Variants in RUFY2 observed in about 807,000 individuals in gnomAD.
RUFY2 encodes the protein RUN and FYVE domain containing 2, also known as RUN and FYVE domain-containing protein 2.
A neutral mutation model predicts 94.4 loss-of-function variants in RUFY2; 49 were observed. The ratio of observed to expected loss-of-function variants is 0.52; its 90% CI spans 0.41 to 0.66. RUFY2 has a LOEUF of 0.66. Ranked by LOEUF, RUFY2 falls within the 30% of genes least tolerant of loss-of-function variation. The probability of loss-of-function intolerance (pLI) is 0.00; values close to 1 mark genes in which losing one functional copy is unlikely to be tolerated. For missense variants in RUFY2, 541 were observed against 692.8 expected (o/e 0.78, Z 2.46); for synonymous variants, 255 against 235.7 (o/e 1.08, Z -0.75).
intron 1 of RUFY2, 112 bp from the exon 2 acceptor site, chr10:68,404,956 G>T: frequency 2.5e-6 from 2 of 815,436 alleles, no homozygotes; most frequent in South Asian, 2.3e-5. Flanking sequence ...TTCCTTGGTT[G>T]ACAAATTCTC....
chr10:68,371,602 A>G (rs556733881), intron 13 of RUFY2, among the ~76,000 whole-genome samples: 69 of 152,080 alleles, frequency 4.5e-4, no homozygotes, highest in South Asian at 3.7e-3. Context: ...AAAAAAAAAA[A>G]AGACCCAACA....
chr10:68,377,983 T>G, intron 12 of RUFY2: 3 of 985,322 alleles, frequency 3.0e-6, no homozygotes, highest in Non-Finnish European at 3.6e-6. Context: ...AATATTCAGG[T>G]GCTGGGATTG....
intron 13 of RUFY2, among the ~76,000 whole-genome samples, chr10:68,365,481 G>T (rs1342816847): frequency 6.6e-6 from 1 of 152,128 alleles, no homozygotes; most frequent in African/African-American, 2.4e-5. Flanking sequence ...TGCATCCTGT[G>T]ACGGAATGGT....
chr10:68,398,001 T>A (rs1160649480), intron 3 of RUFY2, among the ~76,000 whole-genome samples: 1 of 149,796 alleles, frequency 6.7e-6, no homozygotes. Context: ...GTGGTGGGTG[T>A]CTGTAATCCC....
chr10:68,378,703 G>C (rs1250249969), intron 12 of RUFY2: 5 of 1,540,072 alleles, frequency 3.2e-6, no homozygotes, highest in Non-Finnish European at 3.5e-6. Flanking sequence ...ATCAAAGACA[G>C]AAAAAGGTAA....
chr10:68,402,631 AAAATCAAGATGCACTCCTGATTTTTTCTG>A (rs912595486), intron 2 of RUFY2, among the ~76,000 whole-genome samples: 3 of 151,026 alleles, frequency 2.0e-5, no homozygotes, highest in Non-Finnish European at 4.4e-5. Context: ...AGTCTTGGGG[AAAATCAAGATGCACTCCTGATTTTTTCTG>A]AAATCAAGAT....
chr10:68,341,965 T>A (rs973638890), downstream of RUFY2: 1 of 1,613,230 alleles, frequency 6.2e-7, no homozygotes, highest in Non-Finnish European at 8.5e-7. Flanking sequence ...ATTCTTAATA[T>A]CTTTTTCTTA....
chr10:68,345,763 GAGTCTCAGGGCAAGTTAGATGAGC>G lies in RUFY2; in HGVS notation c.1802_*4del. The G allele has an allele frequency of 6.2e-7, 1 of 1,609,006 alleles. No homozygotes were observed. Among genetic ancestry groups the G allele is most frequent in the Non-Finnish European group, 8.5e-7 (1 of 1,177,006 alleles). ...TTTCATACATAAGGATTTAGTTCTGGAGTCTCAGGGCAAGTTAGATGAGCATCTCTGAATGAGCAGTGCATGACA... is the reference window on the plus strand; with the variant it reads ...TTTCATACATAAGGATTTAGTTCTGGATCTCTGAATGAGCAGTGCATGACA... On this transcript the variant is annotated stop_lost and 3_prime_UTR_variant, in exon 18 of 18. Transcript: ENST00000602465.
intron 12 of RUFY2, chr10:68,377,262 T>G: frequency 8.1e-7 from 1 of 1,227,578 alleles, no homozygotes; most frequent in Non-Finnish European, 1.0e-6. Flanking sequence ...CTTTACCACT[T>G]ATGCAGAGCA....
chr10:68,344,521 A>AT lies in RUFY2; in HGVS notation c.*1246dup, dbSNP rs1351979993. On this transcript the variant is annotated 3_prime_UTR_variant, in exon 18 of 18. Transcript: ENST00000602465. ...AGCAATATAACTTGGATTAGTGTTC[A>AT]TTGAGTCAGCTTGAAATAGGTCAAG... The AT allele has an allele frequency of 6.6e-5, 10 of 152,330 alleles. No homozygotes were observed. The East Asian group carries it at 1.7e-3, about 26-fold the overall frequency. The allele number at this position is 152,330 out of a possible 1,614,324, so 9.4% of individuals were successfully genotyped here. A position where few individuals can be genotyped will look rare whatever the true frequency, so the allele number is the denominator to read the frequency against.
intron 7 of RUFY2, among the ~76,000 whole-genome samples, chr10:68,391,414 T>C (rs1248741601): frequency 1.3e-5 from 2 of 151,930 alleles, no homozygotes. Flanking sequence ...TTTGGGAGCC[T>C]GAGGTGGGAG....
At position 68,407,258 on chromosome 10, in the gene RUFY2, C is replaced by G. The variant is rs2051402630; in HGVS notation, c.-69G>C. On this transcript the variant is annotated 5_prime_UTR_variant, in exon 1 of 18. Transcript: ENST00000602465. Reference sequence around the variant, plus strand: ...TGTCCAGCAGCTCCTTCCAGGCGCTCGGCGGCCACCACCGCATCTGCAGCC... The same window carrying G: ...TGTCCAGCAGCTCCTTCCAGGCGCTGGGCGGCCACCACCGCATCTGCAGCC... 8.1e-7 allele frequency: 1 copy of G among 1,241,756 alleles called. No individual in the cohort carries two copies. Among genetic ancestry groups the G allele is most frequent in the Non-Finnish European group, 1.0e-6 (1 of 983,224 alleles). The allele number at this position is 1,241,756 out of a possible 1,614,324, so 76.9% of individuals were successfully genotyped here.
intron 13 of RUFY2, among the ~76,000 whole-genome samples, chr10:68,367,734 C>T (rs2047958298): frequency 6.7e-6 from 1 of 148,378 alleles, no homozygotes; most frequent in African/African-American, 2.5e-5. Context: ...CCCTCCCTCC[C>T]TCCCTCTCTC....
Position 68,347,869 on chromosome 10 carries a change from CT to C in RUFY2, c.1600-1786del, listed in dbSNP as rs202047356. ...TATTACCTAATGAGAGAAAAATTCT[CT>C]TAGGAAAAAAAGGCCCATAGATACA... On this transcript the variant is annotated intron_variant, in intron 16 of 17. Transcript: ENST00000602465. 5.9e-3 allele frequency among the ~76,000 whole-genome samples: 904 copies of C among 151,996 alleles called. 17 individuals are homozygous for C. The highest frequency in any genetic ancestry group is 0.021 in the African/African-American group (867 of 41,472).
At chr10:68,374,780 C>G (rs1178527789) in intron 13 of RUFY2, among the ~76,000 whole-genome samples, 2 of 151,780 alleles carry the variant, frequency 1.3e-5, no homozygotes, top group Non-Finnish European at 2.9e-5. Flanking sequence ...GTTGTTTGTT[C>G]TTATTGTTGT....
intron 11 of RUFY2, among the ~76,000 whole-genome samples, chr10:68,380,585 G>A (rs1027289324): frequency 6.6e-6 from 1 of 151,988 alleles, no homozygotes; most frequent in Non-Finnish European, 1.5e-5. Context: ...TTATGGGCCA[G>A]GCATGGTGGC....
chr10:68,345,752 A>ATT lies in RUFY2; in HGVS notation c.*14_*15dup, dbSNP rs2046228290. The ATT allele has an allele frequency of 9.4e-6, 15 of 1,603,624 alleles. No homozygotes were observed. Among genetic ancestry groups the ATT allele is most frequent in the Non-Finnish European group, 1.3e-5 (15 of 1,173,314 alleles). ...ATTGTAGGTAATTTCATACATAAGGATTTAGTTCTGGAGTCTCAGGGCAAG... is the reference window on the plus strand; with the variant it reads ...ATTGTAGGTAATTTCATACATAAGGATTTTTAGTTCTGGAGTCTCAGGGCAAG... On this transcript the variant is annotated 3_prime_UTR_variant, in exon 18 of 18. Transcript: ENST00000602465.
chr10:68,393,487 G>A (rs2050153345), intron 6 of RUFY2, among the ~76,000 whole-genome samples: 1 of 152,072 alleles, frequency 6.6e-6, no homozygotes, highest in Non-Finnish European at 1.5e-5. Flanking sequence ...CAGCACTCTG[G>A]GAGGCCGAGG....
At chr10:68,353,125 G>A (rs2046803622) in intron 16 of RUFY2, among the ~76,000 whole-genome samples, 1 of 152,028 alleles carries the variant, frequency 6.6e-6, no homozygotes, top group African/African-American at 2.4e-5. Flanking sequence ...CTGAGGTCAG[G>A]AGTTTGAGAC....
Sources: gnomAD v4.1 joint callset for allele counts (sites outside exome capture counted in the v4.1 genomes callset) on GRCh38, gnomAD v4.1.1 for gene constraint, MANE v1.5 for transcripts, NCBI Gene and HGNC (gene_info 2026-07-23, HGNC 2026-07-21) for gene names.